RABGAP1L: variants seen among roughly 807,000 people sequenced by gnomAD.
The protein encoded by RABGAP1L is rab GTPase-activating protein 1-like.
Under a neutral mutation model 137.7 loss-of-function variants are expected in RABGAP1L, and 63 were observed. The observed-to-expected ratio is 0.46, with a 90% CI of 0.37 to 0.56. RABGAP1L has a LOEUF of 0.56. Among genes scored for constraint, RABGAP1L ranks in the 20% least tolerant of loss-of-function variants. The probability of loss-of-function intolerance (pLI) is 0.00; values close to 1 mark genes in which losing one functional copy is unlikely to be tolerated. For missense variants in RABGAP1L, 1,095 were observed against 1,244.0 expected (o/e 0.88, Z 1.80); for synonymous variants, 431 against 433.7 (o/e 0.99, Z 0.08).
intron 19 of RABGAP1L, among the ~76,000 whole-genome samples, chr1:174,863,376 T>C (rs1650624271): frequency 6.6e-6 from 1 of 151,980 alleles, no homozygotes; most frequent in South Asian, 2.1e-4. Flanking sequence ...TTTGCTGAGT[T>C]AAGAAATGTT....
intron 13 of RABGAP1L, among the ~76,000 whole-genome samples, chr1:174,612,700 T>C (rs1301841467): frequency 6.6e-6 from 1 of 152,228 alleles, no homozygotes; most frequent in Non-Finnish European, 1.5e-5. Context: ...CTCTTTTTGA[T>C]TGGTAAGCTA....
intron 19 of RABGAP1L, among the ~76,000 whole-genome samples, chr1:174,887,766 A>G (rs570044674): frequency 1.6e-4 from 24 of 152,232 alleles, no homozygotes; most frequent in African/African-American, 5.5e-4. Context: ...CCAGGTGCGG[A>G]GGCTCACACT....
At chr1:174,231,539 A>G (rs760195412) in intron 4 of RABGAP1L, among the ~76,000 whole-genome samples, 184 bp downstream of exon 4, 3 of 152,178 alleles carry the variant, frequency 2.0e-5, no homozygotes, top group South Asian at 2.1e-4. Context: ...GTATTAGTCT[A>G]TTCTTGCACT....
intron 18 of RABGAP1L, among the ~76,000 whole-genome samples, chr1:174,796,704 T>G (rs1445811898): frequency 2.0e-5 from 3 of 152,172 alleles, no homozygotes; most frequent in Non-Finnish European, 4.4e-5. Flanking sequence ...GAAACTTGGT[T>G]TGCTCATTAA....
intron 18 of RABGAP1L, among the ~76,000 whole-genome samples, chr1:174,805,851 G>A (rs371359856): frequency 6.6e-6 from 1 of 152,136 alleles, no homozygotes; most frequent in Non-Finnish European, 1.5e-5. Context: ...TATTTTCCAA[G>A]GGAAGGAAAC....
intron 18 of RABGAP1L, among the ~76,000 whole-genome samples, chr1:174,760,547 A>T (rs1685137929): frequency 6.6e-6 from 1 of 152,212 alleles, no homozygotes; most frequent in African/African-American, 2.4e-5. Flanking sequence ...AGTGTTTACC[A>T]CATTTTATTT....
chr1:174,710,067 G>A (rs145673831), intron 17 of RABGAP1L, among the ~76,000 whole-genome samples: 9,886 of 152,186 alleles, frequency 0.065, 1,116 homozygotes, highest in African/African-American at 0.22. Flanking sequence ...GGATATCAGC[G>A]ATTGAAGATC....
At chr1:174,509,852 A>G (rs541240487) in intron 13 of RABGAP1L, among the ~76,000 whole-genome samples, 1 of 152,332 alleles carries the variant, frequency 6.6e-6, no homozygotes, top group South Asian at 2.1e-4. Flanking sequence ...CTTTTGAACA[A>G]CTTGCCGCAT....
chr1:174,770,667 C>T (rs1300808753), intron 18 of RABGAP1L, among the ~76,000 whole-genome samples: 1 of 152,180 alleles, frequency 6.6e-6, no homozygotes, highest in East Asian at 1.9e-4. Flanking sequence ...CTCATTTAAG[C>T]TTCCATCCCT....
At chr1:174,885,674 AATG>A (rs1654961574) in intron 19 of RABGAP1L, among the ~76,000 whole-genome samples, 1 of 152,060 alleles carries the variant, frequency 6.6e-6, no homozygotes, top group African/African-American at 2.4e-5. Flanking sequence ...AGAAATTTAA[AATG>A]ATGATTAAGA....
Position 174,881,492 on chromosome 1 carries a change from C to CTTTT in RABGAP1L, c.2340+69553_2340+69556dup, listed in dbSNP as rs751296977. On this transcript the variant is annotated intron_variant, in intron 19 of 25. Coordinates refer to ENST00000681986, the MANE Select transcript of RABGAP1L (RefSeq NM_001366446.1). Reference sequence around the variant, plus strand: ...GCAAGATAAAAATATATATCATTTGCTTTTTTTTTTTTTTTTTTTTTTTTA... The same window carrying CTTTT: ...GCAAGATAAAAATATATATCATTTGCTTTTTTTTTTTTTTTTTTTTTTTTTTTTA... Among the ~76,000 whole-genome samples the CTTTT allele has an allele frequency of 8.8e-3, 759 of 85,796 alleles. 34 individuals are homozygous for CTTTT. The highest frequency in any genetic ancestry group is 0.015 in the African/African-American group (306 of 20,818). The allele number at this position is 85,796 out of a possible 152,430, so 56.3% of individuals were successfully genotyped here.
At chr1:174,539,518 C>T (rs1665182146) in intron 13 of RABGAP1L, among the ~76,000 whole-genome samples, 1 of 152,130 alleles carries the variant, frequency 6.6e-6, no homozygotes, top group African/African-American at 2.4e-5. Flanking sequence ...GTTCAATTCC[C>T]ACCTATGAGT....
chr1:174,745,980 T>C (rs1573007917), intron 17 of RABGAP1L, among the ~76,000 whole-genome samples: 3 of 152,228 alleles, frequency 2.0e-5, no homozygotes, highest in Non-Finnish European at 1.5e-5. Flanking sequence ...TTTTGATTCC[T>C]AAGAACCCAG....
chr1:174,924,358 A>G (rs556213945), intron 19 of RABGAP1L, among the ~76,000 whole-genome samples: 2 of 125,030 alleles, frequency 1.6e-5, no homozygotes, highest in South Asian at 2.7e-4. Flanking sequence ...CTGCACTCCA[A>G]TGTGGTGACA....
chr1:174,893,996 A>T (rs1203765694), intron 19 of RABGAP1L, among the ~76,000 whole-genome samples: 1 of 152,208 alleles, frequency 6.6e-6, no homozygotes, highest in Non-Finnish European at 1.5e-5. Flanking sequence ...TAAAAATTAC[A>T]CTGGAGGGTG....
At chr1:174,518,678 A>C (rs1020493435) in intron 13 of RABGAP1L, among the ~76,000 whole-genome samples, 2 of 152,178 alleles carry the variant, frequency 1.3e-5, no homozygotes, top group Admixed American at 6.5e-5. Flanking sequence ...TTCTATATGA[A>C]TGGCACTTCC....
chr1:174,630,261 A>G (rs1449453174), intron 13 of RABGAP1L, among the ~76,000 whole-genome samples: 2 of 127,900 alleles, frequency 1.6e-5, no homozygotes, highest in East Asian at 4.4e-4. Flanking sequence ...CATGGTGGAT[A>G]AGCTTTTTGA....
intron 14 of RABGAP1L, among the ~76,000 whole-genome samples, chr1:174,670,499 T>C (rs1341935866): frequency 6.6e-6 from 1 of 152,158 alleles, no homozygotes; most frequent in African/African-American, 2.4e-5. Flanking sequence ...TCATTCTTTC[T>C]TCTTTTTTTC....
In RABGAP1L at chr1:174,202,826, G is replaced by C. The variant is rs575484261; in HGVS notation, c.-33-16299G>C. ...TTTAATCCATGTTGAATTAATTTTT[G>C]TATAAGGTGTAAGGAAGGGATCCAG... On this transcript the variant is annotated intron_variant, in intron 1 of 25. Coordinates refer to ENST00000681986, the MANE Select transcript of RABGAP1L (RefSeq NM_001366446.1). 2.5e-4 allele frequency among the ~76,000 whole-genome samples: 38 copies of C among 152,246 alleles called. No homozygotes were observed. The East Asian group carries it at 6.9e-3, about 28-fold the overall frequency.
Sources: gnomAD v4.1 joint callset for allele counts (sites outside exome capture counted in the v4.1 genomes callset) on GRCh38, gnomAD v4.1.1 for gene constraint, MANE v1.5 for transcripts, NCBI Gene and HGNC (gene_info 2026-07-23, HGNC 2026-07-21) for gene names.